Variants in TRIM49C observed in about 807,000 individuals in gnomAD.
The protein encoded by TRIM49C is tripartite motif-containing protein 49C.
A neutral mutation model predicts 21.4 loss-of-function variants in TRIM49C; 6 were observed. The ratio of observed to expected loss-of-function variants is 0.28; its 90% CI spans 0.15 to 0.55. The LOEUF (loss-of-function observed/expected upper bound fraction) is 0.55, where lower values mean the gene tolerates loss of function less well. Ranked by LOEUF, TRIM49C falls within the 20% of genes least tolerant of loss-of-function variation. The pLI is 0.94. For synonymous variants in TRIM49C, 57 were observed against 148.1 expected, an observed-to-expected ratio of 0.38 and a Z score of 4.47; for missense variants, 161 against 442.4, an observed-to-expected ratio of 0.36 and a Z score of 5.71.
chr11:90,047,055 A>G, the TRIM49C span, among the ~76,000 whole-genome samples: 157 of 123,240 alleles, frequency 1.3e-3, 41 homozygotes, highest in Admixed American at 0.014. Flanking sequence ...CAGGTTGTTC[A>G]GTTTCCATGT....
the TRIM49C span, among the ~76,000 whole-genome samples, chr11:90,067,301 C>A: frequency 3.6e-5 from 5 of 139,440 alleles, no homozygotes; most frequent in South Asian, 2.4e-4. Flanking sequence ...AGAACAATAG[C>A]AAAAGGGTTC....
At chr11:90,067,511 T>A in the TRIM49C span, among the ~76,000 whole-genome samples, 3 of 147,582 alleles carry the variant, frequency 2.0e-5, no homozygotes, top group South Asian at 6.8e-4. Context: ...AGTCTTTGAA[T>A]GTTCACAAAG....
At chr11:90,040,985 G>A (rs1301987967) in intron 7 of TRIM49C, 66 bp from the exon 8 acceptor site, 1 of 1,461,906 alleles carries the variant, frequency 6.8e-7, no homozygotes, top group Non-Finnish European at 9.0e-7. Context: ...CTTCTTGATA[G>A]AACAATTATT....
At chr11:90,066,062 C>T in the TRIM49C span, among the ~76,000 whole-genome samples, 1 of 138,970 alleles carries the variant, frequency 7.2e-6, no homozygotes. Flanking sequence ...GCTCTGTCGC[C>T]CAGGCTGGAG....
intron 2 of TRIM49C, among the ~76,000 whole-genome samples, chr11:90,033,978 C>G (rs1485610631): frequency 7.7e-6 from 1 of 130,678 alleles, no homozygotes; most frequent in African/African-American, 2.8e-5. Flanking sequence ...ACTAAAAACA[C>G]CTGACATATT....
At chr11:90,054,727 A>G in the TRIM49C span, among the ~76,000 whole-genome samples, 1 of 137,082 alleles carries the variant, frequency 7.3e-6, no homozygotes, top group Admixed American at 8.0e-5. Context: ...AGATGAAGAT[A>G]ATAAATGAAT....
the TRIM49C span, among the ~76,000 whole-genome samples, chr11:90,069,149 G>C: frequency 7.5e-6 from 1 of 133,800 alleles, no homozygotes; most frequent in Non-Finnish European, 1.6e-5. Flanking sequence ...CTGTCACCCA[G>C]GCTGGAGTGC....
intron 7 of TRIM49C, 108 bp from the exon 8 acceptor site, chr11:90,040,943 T>G: frequency 7.0e-7 from 1 of 1,435,624 alleles, no homozygotes; most frequent in Non-Finnish European, 9.1e-7. Flanking sequence ...CAAGCAAAAC[T>G]TTTTATGACT....
In TRIM49C at chr11:90,035,259, C is replaced by G; in HGVS notation, c.48C>G (p.Pro16=). 1.3e-6 allele frequency: 2 copies of G among 1,581,358 alleles called. No homozygotes were observed. Among genetic ancestry groups the G allele is most frequent in the Non-Finnish European group, 1.7e-6 (2 of 1,164,996 alleles). ...TCTTTCAGGGGGAACTCATCTGCCC[C>G]CTGTGCATGAACTACTTCATAGACC... ...LQVFQGELIC[P]LCMNYFIDPV... The change falls in exon 3 of 8, where the codon CCC becomes CCG. Residue 16 remains proline (P), a synonymous_variant. Coordinates refer to ENST00000448984, the MANE Select transcript of TRIM49C (RefSeq NM_001195234.1).
Position 90,036,103 on chromosome 11 carries a change from G to A in TRIM49C, c.507+120G>A, listed in dbSNP as rs184446096. ...TGGGATACAGTAAAAAAAAAAAGGC[G>A]AGAGAAAACATTGAGAAAAAGTGGC... On this transcript the variant is annotated intron_variant, in intron 4 of 7. Coordinates refer to ENST00000448984, the MANE Select transcript of TRIM49C (RefSeq NM_001195234.1). 2,732 of 1,148,480 alleles carry A rather than the reference G, an allele frequency of 2.4e-3. 732 individuals are homozygous for A. In the African/African-American group the frequency reaches 0.049, roughly 20 times the overall value. The allele number at this position is 1,148,480 out of a possible 1,614,324, so 71.1% of individuals were successfully genotyped here. A position where few individuals can be genotyped will look rare whatever the true frequency, so the allele number is the denominator to read the frequency against.
chr11:90,069,637 A>G, the TRIM49C span, among the ~76,000 whole-genome samples: 2 of 123,366 alleles, frequency 1.6e-5, 1 homozygote, highest in South Asian at 6.0e-4. Context: ...AGCTTCTGAT[A>G]TAAAGGAGAA....
intron 6 of TRIM49C, among the ~76,000 whole-genome samples, chr11:90,039,205 C>T (rs1188839595): frequency 7.5e-6 from 1 of 133,050 alleles, no homozygotes; most frequent in Non-Finnish European, 1.6e-5. Flanking sequence ...AGGCGTGAAC[C>T]ACCGTGCCCG....
chr11:90,057,982 C>G, the TRIM49C span: 1 of 1,520,790 alleles, frequency 6.6e-7, no homozygotes, highest in Non-Finnish European at 8.8e-7. Flanking sequence ...AAGCTGTCCA[C>G]TCCCTGGGGA....
the TRIM49C span, among the ~76,000 whole-genome samples, chr11:90,056,151 G>A: frequency 7.4e-6 from 1 of 135,368 alleles, no homozygotes; most frequent in Non-Finnish European, 1.6e-5. Context: ...TAGTAGAGAC[G>A]GGGTTTCACC....
chr11:90,066,099 C>T, the TRIM49C span, among the ~76,000 whole-genome samples: 1 of 139,282 alleles, frequency 7.2e-6, no homozygotes, highest in Non-Finnish European at 1.6e-5. Context: ...TAGCTCACTG[C>T]AACCTCTGCA....
the TRIM49C span, among the ~76,000 whole-genome samples, chr11:90,070,142 A>C: frequency 1.3e-5 from 1 of 76,302 alleles, no homozygotes; most frequent in African/African-American, 5.7e-5. Flanking sequence ...TTTTCCTCCC[A>C]TAGAGACACT....
At chr11:90,070,021 C>T in the TRIM49C span, among the ~76,000 whole-genome samples, 15 of 132,814 alleles carry the variant, frequency 1.1e-4, 3 homozygotes, top group African/African-American at 2.4e-4. Context: ...ATTTGATTGG[C>T]TCTGTGTACT....
At chr11:90,043,350 CCCAGAAGGT>C (rs1277858026), downstream of TRIM49C, among the ~76,000 whole-genome samples, 2 of 132,066 alleles carry the variant, frequency 1.5e-5, no homozygotes, top group African/African-American at 5.6e-5. Flanking sequence ...ATGGCTCGTG[CCCAGAAGGT>C]CCAGGCTGCA....
chr11:90,068,623 GACGGATTTTCTTGCAC>G, the TRIM49C span, among the ~76,000 whole-genome samples: 4 of 142,688 alleles, frequency 2.8e-5, no homozygotes, highest in Non-Finnish European at 6.0e-5. Flanking sequence ...GAACAAATGA[GACGGATTTTCTTGCAC>G]CTAAAGAGCT....
Sources: gnomAD v4.1 joint callset for allele counts (sites outside exome capture counted in the v4.1 genomes callset) on GRCh38, gnomAD v4.1.1 for gene constraint, MANE v1.5 for transcripts, NCBI Gene and HGNC (gene_info 2026-07-23, HGNC 2026-07-21) for gene names.